CDH18: variants seen among roughly 807,000 people sequenced by gnomAD.
CDH18 encodes cadherin 18.
Under a neutral mutation model 67.9 loss-of-function variants are expected in CDH18, and 31 were observed. The ratio of observed to expected loss-of-function variants is 0.46; its 90% CI spans 0.34 to 0.62. The LOEUF is 0.62. CDH18 is among the 20% of genes least tolerant of loss of function. The pLI, the probability that CDH18 is intolerant of heterozygous loss-of-function variation, is 0.01. For synonymous variants in CDH18, 362 were observed against 347.2 expected (o/e 1.04, Z -0.48); for missense variants, 890 against 975.5 (o/e 0.91, Z 1.17).
intron 1 of CDH18, among the ~76,000 whole-genome samples, chr5:20,556,693 C>T (rs1005809625): frequency 2.0e-5 from 3 of 152,110 alleles, no homozygotes; most frequent in African/African-American, 7.2e-5. Flanking sequence ...TATTCGCCCA[C>T]TCCCTTCCAT....
chr5:19,779,506 A>G (rs2149776051), intron 3 of CDH18, among the ~76,000 whole-genome samples: 1 of 152,318 alleles, frequency 6.6e-6, no homozygotes, highest in Admixed American at 6.5e-5. Context: ...CAGATCTGCT[A>G]TCCTCAATTC....
At chr5:19,979,041 A>T (rs73061555) in intron 2 of CDH18, among the ~76,000 whole-genome samples, 14,649 of 152,194 alleles carry the variant, frequency 0.096, 1,989 homozygotes, top group African/African-American at 0.3. Flanking sequence ...GTATTGTTGT[A>T]ACTTCACTCA....
chr5:19,608,364 A>G (rs1240800530), intron 6 of CDH18, among the ~76,000 whole-genome samples: 1 of 151,784 alleles, frequency 6.6e-6, no homozygotes, highest in African/African-American at 2.4e-5. Flanking sequence ...ATTAAAAAAA[A>G]TCCTGCATAT....
chr5:19,566,306 A>G (rs1459459479), intron 8 of CDH18, among the ~76,000 whole-genome samples: 1 of 152,218 alleles, frequency 6.6e-6, no homozygotes, highest in East Asian at 1.9e-4. Context: ...CACTATGGAG[A>G]ACAGTTTGAC....
chr5:19,933,486 T>A (rs1793925489), intron 2 of CDH18, among the ~76,000 whole-genome samples: 1 of 151,540 alleles, frequency 6.6e-6, no homozygotes. Flanking sequence ...AAATTCTTTC[T>A]CCAGCTATTG....
chr5:20,067,123 G>A (rs1409676815), intron 2 of CDH18, among the ~76,000 whole-genome samples: 1 of 151,846 alleles, frequency 6.6e-6, no homozygotes, highest in Admixed American at 6.6e-5. Context: ...TATTTAACAT[G>A]TAGGGAAGGA....
chr5:20,431,504 A>AAAAAGAAGAAG lies in CDH18; in HGVS notation c.-580+143957_-580+143958insCTTCTTCTTTT, dbSNP rs536468948. ...GTGAAACTCAAAAAAAAAAAAAAAA[A>AAAAAGAAGAAG]AAGAAGAAGAAAAGAAGAATAGAAA... On this transcript the variant is annotated intron_variant, in intron 1 of 14. Coordinates refer to the CDH18 transcript ENST00000507958. Among the ~76,000 whole-genome samples the AAAAAGAAGAAG allele has an allele frequency of 1.6e-3, 218 of 138,746 alleles. 1 individual carries two copies. In the Middle Eastern group the frequency reaches 0.035, roughly 22 times the overall value. The allele number at this position is 138,746 out of a possible 152,430, so 91.0% of individuals were successfully genotyped here.
chr5:20,328,442 T>C (rs1738817488), intron 1 of CDH18, among the ~76,000 whole-genome samples: 1 of 150,478 alleles, frequency 6.6e-6, no homozygotes, highest in Admixed American at 6.6e-5. Context: ...AAGAATCGGG[T>C]TGTGCTTTAT....
chr5:19,953,803 T>C (rs1465743195), intron 2 of CDH18, among the ~76,000 whole-genome samples: 1 of 152,082 alleles, frequency 6.6e-6, no homozygotes, highest in Non-Finnish European at 1.5e-5. Context: ...TAAATAATAG[T>C]CAAACTATGA....
Position 20,477,999 on chromosome 5 carries a change from T to C in CDH18, c.-580+97463A>G, listed in dbSNP as rs556266521. Among the ~76,000 whole-genome samples the C allele has an allele frequency of 3.2e-4, 49 of 152,112 alleles. 1 individual carries two copies. Among genetic ancestry groups the C allele is most frequent in the African/African-American group, 1.1e-3 (44 of 41,498 alleles). The stretch of plus-strand genomic sequence containing the variant: ...TTGATATTTCTAGACACACCCTGGG[T>C]AAGAAGGGAACATGCTGCATTGATG... On this transcript the variant is annotated intron_variant, in intron 1 of 14. Coordinates refer to the CDH18 transcript ENST00000507958.
At chr5:20,428,894 T>C (rs1675492785) in intron 1 of CDH18, among the ~76,000 whole-genome samples, 1 of 152,140 alleles carries the variant, frequency 6.6e-6, no homozygotes, top group Non-Finnish European at 1.5e-5. Flanking sequence ...GTGTGACCAT[T>C]AGTGAATTTC....
chr5:19,881,931 G>C (rs1287170474), intron 2 of CDH18, among the ~76,000 whole-genome samples: 3 of 151,934 alleles, frequency 2.0e-5, no homozygotes, highest in East Asian at 3.9e-4. Context: ...AGTTCAACAG[G>C]GGAACAAATT....
intron 2 of CDH18, among the ~76,000 whole-genome samples, chr5:20,003,623 G>C (rs1235546765): frequency 1.3e-5 from 2 of 152,038 alleles, no homozygotes; most frequent in African/African-American, 2.4e-5. Context: ...GGCCGGTCGC[G>C]GTGGCTCAAG....
chr5:19,948,083 C>A (rs566220373), intron 2 of CDH18, among the ~76,000 whole-genome samples: 1 of 152,274 alleles, frequency 6.6e-6, no homozygotes, highest in Admixed American at 6.5e-5. Context: ...AATGCAGTAT[C>A]ACAAACACCA....
intron 2 of CDH18, among the ~76,000 whole-genome samples, chr5:20,095,608 A>AAAGAAAGAAAGAAAGAAGAAAG (rs1561786798): frequency 7.1e-6 from 1 of 139,952 alleles, no homozygotes; most frequent in East Asian, 2.1e-4. Context: ...AGAAAGAAAG[A>AAAGAAAGAAAGAAAGAAGAAAG]AAAGAAAAGA....
rs70950073 is a variant in CDH18, at chr5:19,490,394, G to GTTTTTTTTTT, written c.1631-6852_1631-6843dup. Among the ~76,000 whole-genome samples, 115 of 60,218 alleles carry GTTTTTTTTTT rather than the reference G, an allele frequency of 1.9e-3. 17 individuals are homozygous for GTTTTTTTTTT. Among genetic ancestry groups the GTTTTTTTTTT allele is most frequent in the African/African-American group, 2.8e-3 (42 of 14,920 alleles). The allele number at this position is 60,218 out of a possible 152,430, so 39.5% of individuals were successfully genotyped here. A position where few individuals can be genotyped will look rare whatever the true frequency, so the allele number is the denominator to read the frequency against. Reference sequence around the variant, plus strand: ...TGATATATCACATATATAAAAATCTGTTTTTTTTTTTTTTTTTTTTTTTTT... The same window carrying GTTTTTTTTTT: ...TGATATATCACATATATAAAAATCTGTTTTTTTTTTTTTTTTTTTTTTTTTTTTTTTTTTT... On this transcript the variant is annotated intron_variant, in intron 11 of 12. Transcript: ENST00000382275.
intron 3 of CDH18, among the ~76,000 whole-genome samples, chr5:19,822,203 C>T (rs1363382505): frequency 1.3e-5 from 2 of 152,154 alleles, no homozygotes; most frequent in African/African-American, 4.8e-5. Flanking sequence ...CCAAGACCAT[C>T]CATCTTTTGG....
chr5:20,261,883 GAATA>G (rs1237686268), intron 1 of CDH18, among the ~76,000 whole-genome samples: 1 of 149,974 alleles, frequency 6.7e-6, no homozygotes, highest in Non-Finnish European at 1.5e-5. Flanking sequence ...AGAATGCAAT[GAATA>G]AATAATCCAT....
At chr5:19,618,364 C>T (rs1422253738) in intron 5 of CDH18, among the ~76,000 whole-genome samples, 6 of 151,996 alleles carry the variant, frequency 3.9e-5, no homozygotes, top group African/African-American at 9.7e-5. Flanking sequence ...CACCACCATG[C>T]CCAGCTATTT....
Sources: allele counts gnomAD v4.1 joint callset (sites outside exome capture counted in the v4.1 genomes callset), GRCh38; gene constraint gnomAD v4.1.1; transcripts MANE v1.5; gene names NCBI Gene and HGNC (gene_info 2026-07-23, HGNC 2026-07-21).